L3MBTL4: variants seen among roughly 807,000 people sequenced by gnomAD.
L3MBTL4 encodes the protein lethal(3)malignant brain tumor-like protein 4.
A neutral mutation model predicts 84.5 loss-of-function variants in L3MBTL4; 70 were observed. The observed-to-expected ratio is 0.83, with a 90% CI of 0.68 to 1.01. The LOEUF (loss-of-function observed/expected upper bound fraction) is 1.01, where lower values mean the gene tolerates loss of function less well. Ranked by LOEUF, L3MBTL4 falls within the 50% of genes least tolerant of loss-of-function variation. The pLI is 0.00. For synonymous variants in L3MBTL4, 274 were observed against 259.8 expected, an observed-to-expected ratio of 1.05 and a Z score of -0.52; for missense variants, 715 against 754.8, an observed-to-expected ratio of 0.95 and a Z score of 0.62.
At chr18:6,303,053 TC>T (rs2050414505) in intron 3 of L3MBTL4, among the ~76,000 whole-genome samples, 1 of 152,190 alleles carries the variant, frequency 6.6e-6, no homozygotes, top group Non-Finnish European at 1.5e-5. Flanking sequence ...AATTTTAAAA[TC>T]TTTTAAATGA....
intron 10 of L3MBTL4, among the ~76,000 whole-genome samples, chr18:6,216,139 C>T (rs891874613): frequency 9.9e-5 from 15 of 152,186 alleles, no homozygotes; most frequent in Non-Finnish European, 1.9e-4. Flanking sequence ...AGGTTTCTGA[C>T]TCCCAAGCTC....
intron 16 of L3MBTL4, among the ~76,000 whole-genome samples, chr18:6,006,829 G>A (rs1337926119): frequency 6.6e-6 from 1 of 152,164 alleles, no homozygotes; most frequent in Non-Finnish European, 1.5e-5. Context: ...TGCTAAGGAG[G>A]CATCTCAAGT....
At chr18:6,031,808 A>G (rs2055814615) in intron 16 of L3MBTL4, 3 of 928,980 alleles carry the variant, frequency 3.2e-6, no homozygotes, top group South Asian at 5.0e-5. Flanking sequence ...AATCAGATTC[A>G]TGGTTTTTTT....
At chr18:6,373,698 C>A (rs1199962159) in intron 1 of L3MBTL4, among the ~76,000 whole-genome samples, 4 of 151,904 alleles carry the variant, frequency 2.6e-5, no homozygotes, top group African/African-American at 9.7e-5. Flanking sequence ...AGGAAAATCC[C>A]ACAGAAAGTA....
At chr18:6,371,111 G>A (rs1325055311) in intron 1 of L3MBTL4, among the ~76,000 whole-genome samples, 1 of 152,224 alleles carries the variant, frequency 6.6e-6, no homozygotes, top group African/African-American at 2.4e-5. Flanking sequence ...TAGTCCCTGC[G>A]GTAATTACTT....
chr18:6,350,280 A>G lies in L3MBTL4; in HGVS notation c.-90-38224T>C, dbSNP rs145197153. Among the ~76,000 whole-genome samples, 6 of 152,344 alleles carry G rather than the reference A, an allele frequency of 3.9e-5. No individual in the cohort carries two copies. In the East Asian group the frequency reaches 9.7e-4, roughly 25 times the overall value. ...CCATCAAAGCTGAAAACGTTTGTGC[A>G]TAAGAGAACAATACCAAGAGAGTGG... On this transcript the variant is annotated intron_variant, in intron 1 of 18. Coordinates refer to ENST00000317931, the MANE Select transcript of L3MBTL4 (RefSeq NM_001330559.2).
intron 16 of L3MBTL4, among the ~76,000 whole-genome samples, chr18:5,989,671 A>T (rs962515620): frequency 3.3e-5 from 5 of 152,244 alleles, no homozygotes; most frequent in African/African-American, 7.2e-5. Context: ...AATCTTGTTT[A>T]TGCAGAATTG....
chr18:6,356,217 T>A (rs2053439376), intron 1 of L3MBTL4, among the ~76,000 whole-genome samples: 1 of 152,232 alleles, frequency 6.6e-6, no homozygotes, highest in Non-Finnish European at 1.5e-5. Context: ...AGATGACATT[T>A]ACACTCCAAA....
chr18:6,088,991 A>G (rs998541189), intron 15 of L3MBTL4, among the ~76,000 whole-genome samples: 9 of 152,216 alleles, frequency 5.9e-5, no homozygotes, highest in African/African-American at 1.7e-4. Context: ...CTTAATAGCA[A>G]TGATAGAATA....
chr18:5,965,301 C>G (rs532865891), intron 17 of L3MBTL4, among the ~76,000 whole-genome samples: 39 of 152,336 alleles, frequency 2.6e-4, no homozygotes, highest in African/African-American at 9.4e-4. Flanking sequence ...GCGCTAGCCT[C>G]TCTTCACAGG....
At chr18:6,407,822 T>C (rs185083088) in intron 1 of L3MBTL4, among the ~76,000 whole-genome samples, 1 of 152,294 alleles carries the variant, frequency 6.6e-6, no homozygotes, top group East Asian at 1.9e-4. Context: ...CCCAACAAGT[T>C]TTCTGGAGAA....
At chr18:6,390,030 G>C (rs1165692913) in intron 1 of L3MBTL4, among the ~76,000 whole-genome samples, 1 of 152,062 alleles carries the variant, frequency 6.6e-6, no homozygotes, top group Non-Finnish European at 1.5e-5. Flanking sequence ...CATTCTCCAA[G>C]ACAGACCATA....
At chr18:6,329,741 T>A (rs1014045559) in intron 1 of L3MBTL4, among the ~76,000 whole-genome samples, 3 of 152,122 alleles carry the variant, frequency 2.0e-5, no homozygotes, top group Non-Finnish European at 4.4e-5. Flanking sequence ...AGTCACCATT[T>A]CCACTCCCAT....
chr18:6,342,794 A>AT lies in L3MBTL4; in HGVS notation c.-90-30739dup, dbSNP rs559945970. On this transcript the variant is annotated intron_variant, in intron 1 of 18. Coordinates refer to ENST00000317931, the MANE Select transcript of L3MBTL4 (RefSeq NM_001330559.2). ...TAATCCAAAAACAAAGAGCAACTGA[A>AT]TTTTTTTTAAAAAAAGATCCAACTA... 5.2e-4 allele frequency among the ~76,000 whole-genome samples: 75 copies of AT among 144,170 alleles called. No individual in the cohort carries two copies. The Middle Eastern group carries it at 0.011, about 21-fold the overall frequency. 94.6% of individuals were successfully genotyped at this position (144,170 alleles called of 152,430 possible). A position where few individuals can be genotyped will look rare whatever the true frequency, so the allele number is the denominator to read the frequency against.
chr18:6,170,648 T>C (rs2043923507), intron 13 of L3MBTL4, among the ~76,000 whole-genome samples: 1 of 152,100 alleles, frequency 6.6e-6, no homozygotes, highest in African/African-American at 2.4e-5. Context: ...GCTGTCCCTG[T>C]ATCTGCAATG....
chr18:6,364,989 AT>A (rs1314153521), intron 1 of L3MBTL4, among the ~76,000 whole-genome samples: 1 of 152,146 alleles, frequency 6.6e-6, no homozygotes, highest in Non-Finnish European at 1.5e-5. Flanking sequence ...AGCAAAAAAA[AT>A]CAAAAGTGTA....
intron 1 of L3MBTL4, among the ~76,000 whole-genome samples, chr18:6,337,381 G>A (rs929647062): frequency 6.6e-6 from 1 of 152,020 alleles, no homozygotes; most frequent in African/African-American, 2.4e-5. Flanking sequence ...GAGAAGAATG[G>A]ATAAATTATG....
intron 12 of L3MBTL4, among the ~76,000 whole-genome samples, chr18:6,174,765 G>A (rs1599014296): frequency 6.6e-6 from 1 of 151,756 alleles, no homozygotes; most frequent in East Asian, 1.9e-4. Context: ...CTACTTGGGA[G>A]GCTGAAGCAC....
chr18:5,998,620 C>G (rs2054084254), intron 16 of L3MBTL4, among the ~76,000 whole-genome samples: 1 of 152,212 alleles, frequency 6.6e-6, no homozygotes, highest in African/African-American at 2.4e-5. Flanking sequence ...AGGACTGTGT[C>G]TGGCCTTGTC....
Sources: allele counts gnomAD v4.1 joint callset (sites outside exome capture counted in the v4.1 genomes callset), GRCh38; gene constraint gnomAD v4.1.1; transcripts MANE v1.5; gene names NCBI Gene and HGNC (gene_info 2026-07-23, HGNC 2026-07-21).